The following ACVR2A variants were observed in gnomAD, a reference collection of about 807,000 sequenced individuals.
ACVR2A encodes activin A receptor type 2A, also known as activin receptor type-2A.
In ACVR2A, 7 loss-of-function variants were observed where a neutral mutation model predicts 61.4. The observed-to-expected ratio is 0.11, with a 90% CI of 0.06 to 0.21. The LOEUF is 0.21. Ranked by LOEUF, ACVR2A falls within the 10% of genes least tolerant of loss-of-function variation. ACVR2A has a pLI of 1.00. For synonymous variants in ACVR2A, 193 were observed against 208.3 expected, an observed-to-expected ratio of 0.93 and a Z score of 0.63; for missense variants, 322 against 621.7, an observed-to-expected ratio of 0.52 and a Z score of 5.13.
chr2:147,895,813 G>A (rs1573688286), intron 1 of ACVR2A, among the ~76,000 whole-genome samples: 1 of 152,194 alleles, frequency 6.6e-6, no homozygotes, highest in East Asian at 1.9e-4. Context: ...TGATGCTATT[G>A]GTAAAGCTTC....
intron 1 of ACVR2A, among the ~76,000 whole-genome samples, chr2:147,869,101 C>T (rs1685947672): frequency 6.6e-6 from 1 of 152,102 alleles, no homozygotes; most frequent in South Asian, 2.1e-4. Flanking sequence ...TTTGTTTTCT[C>T]TCAGAGATAA....
chr2:147,927,029 T>C lies in ACVR2A; in HGVS notation c.1348-51T>C, dbSNP rs759076829. 6.4e-6 allele frequency: 10 copies of C among 1,552,872 alleles called. No homozygotes were observed. In the East Asian group the frequency reaches 1.8e-4, roughly 29 times the overall value. On this transcript the variant is annotated intron_variant, in intron 10 of 10. Transcript: ENST00000241416. Reference sequence around the variant, plus strand: ...TCATGAAAATTTTATTGTTTCCTAATAGAAAACAAAAACTGCTGTGGCGTT... The same window carrying C: ...TCATGAAAATTTTATTGTTTCCTAACAGAAAACAAAAACTGCTGTGGCGTT...
rs542534317 is a variant in ACVR2A, at chr2:147,879,346, C to A, written c.56-16955C>A. Among the ~76,000 whole-genome samples the A allele has an allele frequency of 2.0e-5, 3 of 152,290 alleles. No individual in the cohort carries two copies. In the East Asian group the frequency reaches 5.8e-4, roughly 29 times the overall value. On this transcript the variant is annotated intron_variant, in intron 1 of 10. Coordinates refer to ENST00000241416, the MANE Select transcript of ACVR2A (RefSeq NM_001616.5). ...CAGAGGGCAGAAGGACAAGAGACAG[C>A]CCACTCCTAAAAGCCCTTTTTATAA...
chr2:147,849,817 T>G (rs547418467), intron 1 of ACVR2A, among the ~76,000 whole-genome samples: 31 of 152,212 alleles, frequency 2.0e-4, no homozygotes, highest in Non-Finnish European at 3.5e-4. Flanking sequence ...CATTTTCGCC[T>G]TTTGGGTCCA....
rs569971728 is a variant in ACVR2A at position 147,845,194 on chromosome 2, C to T, written c.42C>T (p.Ile14=). The change falls in exon 1 of 11, where the codon ATC becomes ATT. Residue 14 remains isoleucine (I), a synonymous_variant. Coordinates refer to ENST00000241416, the MANE Select transcript of ACVR2A (RefSeq NM_001616.5). ...AGTTGGCGTTTGCCGTCTTTCTTAT[C>T]TCCTGTTCTTCAGGTAGGTGCAGGG... The part of the protein sequence containing the change: ...AAKLAFAVFL[I]SCSSGAILGR... The T allele has an allele frequency of 6.2e-7, 1 of 1,613,090 alleles. No homozygotes were observed. Among genetic ancestry groups the T allele is most frequent in the Non-Finnish European group, 8.5e-7 (1 of 1,179,846 alleles).
At chr2:147,844,619 G>C (rs902808876), upstream of ACVR2A, 1 of 153,068 alleles carries the variant, frequency 6.5e-6, no homozygotes, top group Non-Finnish European at 1.4e-5. Context: ...GCCGCCCGCC[G>C]CCCCTTCCCC....
At chr2:147,895,399 T>A (rs1686704774) in intron 1 of ACVR2A, among the ~76,000 whole-genome samples, 1 of 152,122 alleles carries the variant, frequency 6.6e-6, no homozygotes, top group Admixed American at 6.5e-5. Flanking sequence ...GTCTCTCCAG[T>A]AAATTGTATA....
chr2:147,875,456 C>T (rs1686129906), intron 1 of ACVR2A, among the ~76,000 whole-genome samples: 1 of 151,962 alleles, frequency 6.6e-6, no homozygotes, highest in Non-Finnish European at 1.5e-5. Flanking sequence ...TTTAATCCTA[C>T]ACATAACTAA....
rs527739012 is a variant in ACVR2A at position 147,927,382 on chromosome 2, T to C, written c.*108T>C. On this transcript the variant is annotated 3_prime_UTR_variant, in exon 11 of 11. Transcript: ENST00000241416. ...CTGTGTAAAATGAGTAGGATGTCTC[T>C]TGGAAATGTTAAGAAAGAAGACCCT... is the stretch of plus-strand genomic sequence containing the variant. The C allele has an allele frequency of 7.3e-6, 8 of 1,093,204 alleles. No individual in the cohort carries two copies. Among genetic ancestry groups the C allele is most frequent in the Non-Finnish European group, 1.0e-5 (8 of 786,768 alleles). The allele number at this position is 1,093,204 out of a possible 1,614,324, so 67.7% of individuals were successfully genotyped here. A position where few individuals can be genotyped will look rare whatever the true frequency, so the allele number is the denominator to read the frequency against.
chr2:147,861,402 A>G (rs1395747599), intron 1 of ACVR2A, among the ~76,000 whole-genome samples: 1 of 152,190 alleles, frequency 6.6e-6, no homozygotes, highest in East Asian at 1.9e-4. Context: ...GAATACTAAT[A>G]TTTTCAATTA....
chr2:147,918,051 G>A (rs1055225549), intron 6 of ACVR2A, among the ~76,000 whole-genome samples: 9 of 151,414 alleles, frequency 5.9e-5, no homozygotes, highest in Admixed American at 4.6e-4. Flanking sequence ...CTACATATTA[G>A]TTGTTATTTT....
At chr2:147,854,464 G>A (rs1423119655) in intron 1 of ACVR2A, among the ~76,000 whole-genome samples, 5 of 152,092 alleles carry the variant, frequency 3.3e-5, no homozygotes, top group South Asian at 2.1e-4. Context: ...AAAACACAAA[G>A]CTATTCAATG....
chr2:147,920,504 T>C (rs549790254), intron 8 of ACVR2A, among the ~76,000 whole-genome samples, 160 bp downstream of exon 8: 1 of 152,328 alleles, frequency 6.6e-6, no homozygotes, highest in East Asian at 1.9e-4. Context: ...CATATGATGG[T>C]AGAGGACTCA....
At chr2:147,922,475 T>C (rs1170806682) in intron 8 of ACVR2A, among the ~76,000 whole-genome samples, 3 of 152,072 alleles carry the variant, frequency 2.0e-5, no homozygotes, top group Non-Finnish European at 4.4e-5. Flanking sequence ...AATACCAAAT[T>C]GTTGGGGACA....
chr2:147,844,863 C>G (rs1447464935), upstream of ACVR2A: 1 of 341,216 alleles, frequency 2.9e-6, no homozygotes, highest in African/African-American at 2.1e-5. Context: ...GTGATTTAAA[C>G]CCGCTTTTGT....
intron 1 of ACVR2A, 145 bp downstream of exon 1, chr2:147,845,352 C>CCCCA: frequency 1.9e-6 from 1 of 519,012 alleles, no homozygotes; most frequent in Non-Finnish European, 3.2e-6. Flanking sequence ...GCCACCGCCC[C>CCCCA]CCCCCCCCGC....
intron 4 of ACVR2A, among the ~76,000 whole-genome samples, chr2:147,907,415 C>T (rs916004113): frequency 6.6e-5 from 10 of 152,166 alleles, no homozygotes; most frequent in African/African-American, 2.4e-4. Flanking sequence ...GGAATCACCA[C>T]ACTGTCTTCT....
chr2:147,859,676 T>G (rs1685676607), intron 1 of ACVR2A, among the ~76,000 whole-genome samples: 1 of 152,070 alleles, frequency 6.6e-6, no homozygotes, highest in South Asian at 2.1e-4. Flanking sequence ...GATCCTGAGT[T>G]TTTTTGTTTG....
chr2:147,897,708 T>C (rs1213928145), intron 2 of ACVR2A, among the ~76,000 whole-genome samples: 1 of 152,172 alleles, frequency 6.6e-6, no homozygotes, highest in Non-Finnish European at 1.5e-5. Flanking sequence ...CCCTTGAAAA[T>C]TGGATTAACT....
Sources: gnomAD v4.1 joint callset for allele counts (sites outside exome capture counted in the v4.1 genomes callset) on GRCh38, gnomAD v4.1.1 for gene constraint, MANE v1.5 for transcripts, NCBI Gene and HGNC (gene_info 2026-07-23, HGNC 2026-07-21) for gene names.